The following IFT140 variants were observed in gnomAD, a reference collection of about 807,000 sequenced individuals.
IFT140 encodes intraflagellar transport protein 140 homolog.
Under a neutral mutation model 164.6 loss-of-function variants are expected in IFT140, and 133 were observed. The ratio of observed to expected loss-of-function variants is 0.81; its 90% CI spans 0.70 to 0.93. The LOEUF (loss-of-function observed/expected upper bound fraction) is 0.93. IFT140 is among the 40% of genes least tolerant of loss of function. The pLI is 0.00. For missense variants in IFT140, 2,045 were observed against 1,972.3 expected (o/e 1.04, Z -0.70); for synonymous variants, 860 against 817.3 (o/e 1.05, Z -0.89).
intron 19 of IFT140, chr16:1,530,721 C>G (rs1036035840): frequency 6.6e-6 from 1 of 151,670 alleles, no homozygotes; most frequent in Non-Finnish European, 1.5e-5. Flanking sequence ...GAGAGCCCGC[C>G]CGTGGGGAGC....
chr16:1,541,034 A>G, intron 19 of IFT140: 2 of 985,432 alleles, frequency 2.0e-6, no homozygotes, highest in Non-Finnish European at 2.4e-6. Context: ...TCTCTGCTAC[A>G]GAAACGTGAC....
At position 1,607,245 on chromosome 16, in the gene IFT140, G is replaced by C. The variant is rs145267929; in HGVS notation, c.22C>G (p.Gln8Glu). 1.3e-4 allele frequency: 214 copies of C among 1,614,042 alleles called. No homozygotes were observed. Among genetic ancestry groups the C allele is most frequent in the Non-Finnish European group, 1.5e-4 (177 of 1,180,022 alleles). ...CCTGCTGCATCCGGGGCTTCTATCT[G>C]GTGGTCATAATAGAGGGCCATGACG... is the stretch of plus-strand genomic sequence containing the variant. MALYYDH[Q>E]IEAPDAAGSP... Residue 8 changes from glutamine to glutamate, a missense_variant, in exon 3 of 31, where the codon CAG becomes GAG. Coordinates refer to ENST00000426508, the MANE Select transcript of IFT140 (RefSeq NM_014714.4).
chr16:1,557,078 C>T (rs1302000234), intron 19 of IFT140, among the ~76,000 whole-genome samples: 1 of 152,104 alleles, frequency 6.6e-6, no homozygotes. Context: ...CCTCAGCCTC[C>T]CAAAGTGCTG....
intron 19 of IFT140, chr16:1,554,706 A>G (rs916948602): frequency 1.5e-5 from 24 of 1,577,836 alleles, no homozygotes; most frequent in Non-Finnish European, 2.0e-5. Context: ...AACCTGCTCT[A>G]GGACAGAGGG....
chr16:1,542,519 G>C (rs1445759886), intron 19 of IFT140, among the ~76,000 whole-genome samples: 1 of 152,248 alleles, frequency 6.6e-6, no homozygotes, highest in Non-Finnish European at 1.5e-5. Context: ...TCCCAGCTAA[G>C]AGGCCTAGAA....
At chr16:1,581,729 G>A (rs1596404121) in intron 12 of IFT140, among the ~76,000 whole-genome samples, 1 of 126,320 alleles carries the variant, frequency 7.9e-6, no homozygotes, top group Non-Finnish European at 1.7e-5. Flanking sequence ...GAGAGGGGAG[G>A]GGAGGAGCGG....
chr16:1,541,351 G>A (rs2031615745), intron 19 of IFT140: 2 of 985,320 alleles, frequency 2.0e-6, no homozygotes, highest in Non-Finnish European at 2.4e-6. Context: ...TGGTTATGAG[G>A]GGCCCAGATG....
chr16:1,604,274 CGTGTGTGTGTGTGTGTGTGTGT>C (rs377259663), intron 3 of IFT140: 2 of 129,812 alleles, frequency 1.5e-5, no homozygotes, highest in African/African-American at 5.8e-5. Context: ...GCTGCAAGGG[CGTGTGTGTGTGTGTGTGTGTGT>C]GTGTGTGTGT....
chr16:1,521,019 G>A (rs565262027), intron 26 of IFT140, among the ~76,000 whole-genome samples: 1 of 152,318 alleles, frequency 6.6e-6, no homozygotes, highest in African/African-American at 2.4e-5. Flanking sequence ...TAACATTCCA[G>A]AATGGAACGA....
chr16:1,593,254 C>A (rs760138447), intron 4 of IFT140, among the ~76,000 whole-genome samples: 2 of 152,090 alleles, frequency 1.3e-5, no homozygotes, highest in African/African-American at 4.8e-5. Context: ...TTCTACAGAG[C>A]GTCTCCACAT....
In IFT140 at chr16:1,564,952, G is replaced by A. The variant is rs965322547; in HGVS notation, c.1902-790C>T. On this transcript the variant is annotated intron_variant, in intron 16 of 30. Coordinates refer to ENST00000426508, the MANE Select transcript of IFT140 (RefSeq NM_014714.4). This position sits in a 1 kb window ranked among gnomAD's most constrained non-coding sequence, Gnocchi z 5.5. ...AGAGCAGAAAGCAGGGCAGAGGGGC[G>A]AGTGCCATGCTCCAGACAAGGCGGC... Among the ~76,000 whole-genome samples the A allele has an allele frequency of 5.3e-5, 8 of 152,182 alleles. No homozygotes were observed. Among genetic ancestry groups the A allele is most frequent in the African/African-American group, 1.9e-4 (8 of 41,452 alleles).
intron 26 of IFT140, among the ~76,000 whole-genome samples, chr16:1,521,344 G>A (rs777083432): frequency 5.2e-4 from 79 of 151,894 alleles, no homozygotes; most frequent in Non-Finnish European, 1.1e-3. Context: ...GGGATTGCAG[G>A]CACAAGCCAC....
intron 30 of IFT140, among the ~76,000 whole-genome samples, chr16:1,517,281 C>T (rs1277557922): frequency 5.3e-5 from 8 of 149,716 alleles, no homozygotes; most frequent in South Asian, 2.1e-4. Context: ...ACCCAGGAGG[C>T]GGAGCTTGCA....
At chr16:1,608,720 T>C (rs1372441852) in intron 2 of IFT140, among the ~76,000 whole-genome samples, 1 of 151,784 alleles carries the variant, frequency 6.6e-6, no homozygotes, top group African/African-American at 2.4e-5. Context: ...AAGAAACCTT[T>C]AAATTAAAAA....
Position 1,520,036 on chromosome 16 carries a change from A to C in IFT140, c.3885T>G (p.Asp1295Glu). 1 of 1,600,616 alleles carries C rather than the reference A, an allele frequency of 6.2e-7. No individual in the cohort carries two copies. Among genetic ancestry groups the C allele is most frequent in the Non-Finnish European group, 8.5e-7 (1 of 1,173,028 alleles). ...GGGCTTTGTCGTAGTTCTGGTATTC[A>C]TCAATCTCCACCTGTACAGATGAAA... The part of the protein sequence containing the change: ...FYDACAQVEI[D>E]EYQNYDKAHG... Residue 1295 changes from aspartate to glutamate, a missense_variant, in exon 29 of 31, where the codon GAT becomes GAG. Coordinates refer to ENST00000426508, the MANE Select transcript of IFT140 (RefSeq NM_014714.4).
intron 17 of IFT140, among the ~76,000 whole-genome samples, chr16:1,563,136 A>AC (rs2141527202): frequency 6.6e-6 from 1 of 151,756 alleles, no homozygotes; most frequent in Non-Finnish European, 1.5e-5. Context: ...TGCCTGGGTC[A>AC]CCCCCACAGC....
chr16:1,597,873 C>T (rs913998184), intron 4 of IFT140, among the ~76,000 whole-genome samples: 5 of 152,194 alleles, frequency 3.3e-5, no homozygotes, highest in South Asian at 2.1e-4. Context: ...TCTCCTGACT[C>T]GGCCTCCCAA....
intron 13 of IFT140, chr16:1,577,225 G>T (rs1343656944): frequency 6.6e-6 from 1 of 152,110 alleles, no homozygotes; most frequent in Non-Finnish European, 1.5e-5. Flanking sequence ...AGATGTGGAC[G>T]CCACCTGTGG....
intron 7 of IFT140, 59 bp downstream of exon 7, chr16:1,589,546 G>C: frequency 6.4e-7 from 1 of 1,562,676 alleles, no homozygotes; most frequent in Admixed American, 1.7e-5. Context: ...CGTCAACGAG[G>C]CCAGAGAGAA....
Sources: gnomAD v4.1 joint callset for allele counts (sites outside exome capture counted in the v4.1 genomes callset) on GRCh38, gnomAD v4.1.1 for gene constraint, Gnocchi (gnomAD v3.1) non-coding constraint, MANE v1.5 for transcripts, NCBI Gene and HGNC (gene_info 2026-07-23, HGNC 2026-07-21) for gene names.